The following MECOM variants were observed in gnomAD, a reference collection of about 807,000 sequenced individuals.
MECOM encodes histone-lysine N-methyltransferase MECOM.
Under a neutral mutation model 116.3 loss-of-function variants are expected in MECOM, and 13 were observed. The ratio of observed to expected loss-of-function variants is 0.11; its 90% CI spans 0.07 to 0.18. The LOEUF is 0.18. Ranked by LOEUF, MECOM falls within the 10% of genes least tolerant of loss-of-function variation. The pLI, the probability that MECOM is intolerant of heterozygous loss-of-function variation, is 1.00. For synonymous variants in MECOM, 528 were observed against 535.2 expected (o/e 0.99, Z 0.19); for missense variants, 1,299 against 1,509.0 (o/e 0.86, Z 2.31).
intron 1 of MECOM, among the ~76,000 whole-genome samples, chr3:169,559,908 C>T (rs1160066060): frequency 6.6e-6 from 1 of 152,138 alleles, no homozygotes; most frequent in East Asian, 1.9e-4. Flanking sequence ...GAATATAGGT[C>T]ATACATTCAG....
At chr3:169,243,592 G>C (rs1474724617) in intron 2 of MECOM, among the ~76,000 whole-genome samples, 1 of 152,048 alleles carries the variant, frequency 6.6e-6, no homozygotes, top group African/African-American at 2.4e-5. Context: ...TCCCCCGTCT[G>C]ATTGAATAAA....
intron 2 of MECOM, among the ~76,000 whole-genome samples, chr3:169,229,073 T>C (rs1041531074): frequency 6.6e-6 from 1 of 152,208 alleles, no homozygotes; most frequent in Non-Finnish European, 1.5e-5. Flanking sequence ...TTAACTGCAC[T>C]GGCTTGGAAA....
chr3:169,116,447 A>C lies in MECOM; in HGVS notation c.1425T>G (p.His475Gln). 1 of 1,614,206 alleles carries C rather than the reference A, an allele frequency of 6.2e-7. No homozygotes were observed. The highest frequency in any genetic ancestry group is 8.5e-7 in the Non-Finnish European group (1 of 1,180,040). ...GLADYFGANR[H>Q]PAGLTFPTAP... ...CTGTTGGAAAGGTAAGACCAGCAGG[A>C]TGCCTATTGGCGCCAAAATAGTCAG... The change falls in exon 8 of 17, where the codon CAT becomes CAG. Residue 475 changes from histidine to glutamine, a missense_variant. This residue lies in a region of MECOM where 238 missense variants were observed against 273.1 expected (regional missense o/e 0.87). Transcript: ENST00000651503.
chr3:169,130,852 AC>A (rs1734462947), intron 4 of MECOM, among the ~76,000 whole-genome samples: 1 of 152,188 alleles, frequency 6.6e-6, no homozygotes, highest in East Asian at 1.9e-4. Context: ...TCTTTATCTG[AC>A]CTAAACATGT....
chr3:169,439,829 G>A (rs765221471), intron 1 of MECOM, among the ~76,000 whole-genome samples: 9 of 151,988 alleles, frequency 5.9e-5, no homozygotes, highest in Admixed American at 2.6e-4. Flanking sequence ...ATAAATAAAC[G>A]GTGGTATAGT....
chr3:169,563,590 CCCT>C (rs1423034734), intron 1 of MECOM, among the ~76,000 whole-genome samples: 1 of 152,010 alleles, frequency 6.6e-6, no homozygotes, highest in Non-Finnish European at 1.5e-5. Context: ...GAAAGATTGA[CCCT>C]CCTCCTTCCT....
chr3:169,340,176 G>A lies in MECOM; in HGVS notation c.375+41011C>T, dbSNP rs145906998. ...TTGATTGCTTCTTTAATAACAAAATGCATCACAAACAAAAATGAATGAAGC... is the reference window on the plus strand; with the variant it reads ...TTGATTGCTTCTTTAATAACAAAATACATCACAAACAAAAATGAATGAAGC... On this transcript the variant is annotated intron_variant, in intron 2 of 16. Transcript: ENST00000651503. Among the ~76,000 whole-genome samples the A allele has an allele frequency of 7.2e-4, 110 of 152,194 alleles. 1 individual carries two copies. The Middle Eastern group carries it at 0.02, about 28-fold the overall frequency.
At chr3:169,253,262 C>T (rs1293130974) in intron 2 of MECOM, among the ~76,000 whole-genome samples, 1 of 152,124 alleles carries the variant, frequency 6.6e-6, no homozygotes, top group East Asian at 1.9e-4. Flanking sequence ...CAGTGACTGA[C>T]ATAATTTAAA....
At chr3:169,468,625 A>G (rs1229952348) in intron 1 of MECOM, among the ~76,000 whole-genome samples, 1 of 152,198 alleles carries the variant, frequency 6.6e-6, no homozygotes, top group Non-Finnish European at 1.5e-5. Context: ...TCTCAATGTC[A>G]TTGTTAGTAT....
intron 2 of MECOM, among the ~76,000 whole-genome samples, chr3:169,303,810 T>C (rs971063091): frequency 1.3e-5 from 2 of 152,240 alleles, no homozygotes; most frequent in Admixed American, 6.5e-5. Flanking sequence ...GTTTATTGGT[T>C]TGGTTTTTAG....
At chr3:169,290,579 A>C (rs1714342344) in intron 2 of MECOM, among the ~76,000 whole-genome samples, 2 of 152,156 alleles carry the variant, frequency 1.3e-5, no homozygotes, top group South Asian at 4.1e-4. Flanking sequence ...ACATACACAG[A>C]TTTTAAAAAT....
At chr3:169,477,148 T>TAC (rs1187178988) in intron 1 of MECOM, 44 of 42,470 alleles carry the variant, frequency 1.0e-3, no homozygotes, top group African/African-American at 3.8e-3. Context: ...TATATATATA[T>TAC]ACACACACAC....
chr3:169,099,452 CA>C (rs1722838927), intron 12 of MECOM, among the ~76,000 whole-genome samples: 1 of 152,058 alleles, frequency 6.6e-6, no homozygotes, highest in Non-Finnish European at 1.5e-5. Flanking sequence ...TGCATTCTAT[CA>C]TGTATAAATT....
intron 2 of MECOM, 41 bp from the exon 3 acceptor site, chr3:169,143,873 C>A: frequency 6.5e-7 from 1 of 1,533,060 alleles, no homozygotes. Flanking sequence ...GCCATATTGG[C>A]CCACTCATTA....
intron 1 of MECOM, among the ~76,000 whole-genome samples, chr3:169,433,826 A>G (rs950453424): frequency 7.2e-5 from 11 of 152,154 alleles, no homozygotes; most frequent in Non-Finnish European, 1.5e-4. Flanking sequence ...ATTTACTGTG[A>G]CTGTAGGGTG....
At chr3:169,533,156 A>G (rs1472250415) in intron 1 of MECOM, among the ~76,000 whole-genome samples, 1 of 139,524 alleles carries the variant, frequency 7.2e-6, no homozygotes, top group Non-Finnish European at 1.5e-5. Context: ...TTAAGCAGCC[A>G]TCAGATTTTG....
At chr3:169,522,688 G>C (rs1560388705) in intron 1 of MECOM, among the ~76,000 whole-genome samples, 2 of 152,194 alleles carry the variant, frequency 1.3e-5, no homozygotes, top group East Asian at 1.9e-4. Flanking sequence ...AGAAAACAAT[G>C]TAAGGTAACA....
intron 1 of MECOM, among the ~76,000 whole-genome samples, chr3:169,544,123 G>A (rs1330103401): frequency 3.9e-5 from 6 of 152,268 alleles, no homozygotes; most frequent in African/African-American, 1.4e-4. Context: ...CCTGACCTCA[G>A]AAGCTGCTCT....
intron 2 of MECOM, among the ~76,000 whole-genome samples, chr3:169,191,127 T>C (rs1747474097): frequency 6.6e-6 from 1 of 151,976 alleles, no homozygotes; most frequent in Non-Finnish European, 1.5e-5. Flanking sequence ...GAGAGAGCTC[T>C]TAAGATACTT....
Sources: gnomAD v4.1 joint callset for allele counts (sites outside exome capture counted in the v4.1 genomes callset) on GRCh38, gnomAD v4.1.1 for gene constraint, gnomAD v4.1.1 regional missense constraint, MANE v1.5 for transcripts, NCBI Gene and HGNC (gene_info 2026-07-23, HGNC 2026-07-21) for gene names.